TMEM117: variants seen among roughly 807,000 people sequenced by gnomAD.
The protein encoded by TMEM117 is transmembrane protein 117.
TMEM117 carries 27 observed loss-of-function variants against 52.4 expected under a neutral mutation model. The ratio of observed to expected loss-of-function variants is 0.51; its 90% CI spans 0.38 to 0.71. TMEM117 has a LOEUF of 0.71. TMEM117 is among the 30% of genes least tolerant of loss of function. TMEM117 has a pLI of 0.00. For synonymous variants in TMEM117, 215 were observed against 206.3 expected, an observed-to-expected ratio of 1.04 and a Z score of -0.36; for missense variants, 556 against 630.5, an observed-to-expected ratio of 0.88 and a Z score of 1.26.
intron 3 of TMEM117, chr12:44,009,502 C>T: frequency 4.5e-6 from 1 of 224,370 alleles, no homozygotes. Context: ...TGGTGCTTTT[C>T]TGCTCAGCAC....
chr12:44,194,334 T>C (rs1321034770), intron 4 of TMEM117, among the ~76,000 whole-genome samples: 4 of 152,190 alleles, frequency 2.6e-5, no homozygotes, highest in Non-Finnish European at 4.4e-5. Context: ...ATTTCCATAA[T>C]ATTTGGGAAG....
chr12:44,251,049 A>G (rs1950191585), intron 5 of TMEM117, among the ~76,000 whole-genome samples: 1 of 152,154 alleles, frequency 6.6e-6, no homozygotes, highest in African/African-American at 2.4e-5. Flanking sequence ...TCTTGGTCAC[A>G]TGATTGCTCT....
intron 2 of TMEM117, among the ~76,000 whole-genome samples, chr12:43,919,950 G>A (rs1352636469): frequency 6.6e-6 from 1 of 151,548 alleles, no homozygotes; most frequent in Non-Finnish European, 1.5e-5. Context: ...ATATCTCTAG[G>A]TCCAGCATCA....
At chr12:44,370,025 A>G (rs1408148625) in intron 6 of TMEM117, among the ~76,000 whole-genome samples, 3 of 152,188 alleles carry the variant, frequency 2.0e-5, no homozygotes, top group South Asian at 2.1e-4. Flanking sequence ...TTAACATTCA[A>G]CCTTGCCTTA....
rs1948140208 is a variant in TMEM117, at chr12:44,116,217, CTT to C, written c.411-27306_411-27305del. On this transcript the variant is annotated intron_variant, in intron 3 of 7. Transcript: ENST00000266534. Reference sequence around the variant, plus strand: ...TTATTATATTCTGTTTTCTTGTATTCTTTGTTATATCGCTTTACAATACTCTT... The same window carrying C: ...TTATTATATTCTGTTTTCTTGTATTCTGTTATATCGCTTTACAATACTCTT... Among the ~76,000 whole-genome samples the C allele has an allele frequency of 2.6e-5, 4 of 152,082 alleles. No individual in the cohort carries two copies. In the South Asian group the frequency reaches 6.2e-4, roughly 24 times the overall value.
intron 3 of TMEM117, among the ~76,000 whole-genome samples, chr12:44,105,133 A>G (rs1034506348): frequency 6.6e-6 from 1 of 151,222 alleles, no homozygotes; most frequent in African/African-American, 2.4e-5. Flanking sequence ...TAGTTGTTCC[A>G]TAGTTTTTGG....
intron 5 of TMEM117, among the ~76,000 whole-genome samples, chr12:44,242,401 G>A (rs1314685848): frequency 6.6e-6 from 1 of 151,750 alleles, no homozygotes; most frequent in Non-Finnish European, 1.5e-5. Context: ...TGGGTTTTCT[G>A]TTCCTGAGTT....
chr12:44,316,574 T>C (rs1000455669), intron 6 of TMEM117, among the ~76,000 whole-genome samples: 2 of 152,212 alleles, frequency 1.3e-5, no homozygotes, highest in Non-Finnish European at 2.9e-5. Flanking sequence ...ATGTTCTTTT[T>C]GTATGGTATC....
chr12:44,123,517 G>A (rs1051305846), intron 3 of TMEM117, among the ~76,000 whole-genome samples: 5 of 152,038 alleles, frequency 3.3e-5, no homozygotes, highest in African/African-American at 1.2e-4. Flanking sequence ...TTCCTTCCAG[G>A]GTTTTTATAG....
intron 2 of TMEM117, among the ~76,000 whole-genome samples, chr12:43,934,349 TGA>T (rs1944917664): frequency 6.6e-6 from 1 of 152,186 alleles, no homozygotes; most frequent in Non-Finnish European, 1.5e-5. Context: ...TAGTTAAACT[TGA>T]GGATAGTTTA....
intron 4 of TMEM117, among the ~76,000 whole-genome samples, chr12:44,146,289 CTT>C (rs1048681533): frequency 9.5e-4 from 144 of 152,238 alleles, no homozygotes; most frequent in African/African-American, 3.2e-3. Context: ...GCTTTAATGT[CTT>C]ATATTTCTAC....
intron 5 of TMEM117, among the ~76,000 whole-genome samples, chr12:44,232,171 A>G (rs910137007): frequency 6.6e-6 from 1 of 151,526 alleles, no homozygotes; most frequent in Non-Finnish European, 1.5e-5. Context: ...AACTTTTTAA[A>G]CTTTAGTAAC....
At chr12:44,103,611 G>T (rs910161937) in intron 3 of TMEM117, among the ~76,000 whole-genome samples, 6 of 151,164 alleles carry the variant, frequency 4.0e-5, no homozygotes, top group African/African-American at 1.5e-4. Context: ...TAGCCTTTTG[G>T]GGGCAGATTT....
At chr12:43,890,082 C>T (rs182302561) in intron 2 of TMEM117, among the ~76,000 whole-genome samples, 5 of 152,240 alleles carry the variant, frequency 3.3e-5, no homozygotes, top group African/African-American at 7.2e-5. Flanking sequence ...GAAAATCAGT[C>T]ATTTGGTCTT....
chr12:44,185,450 C>G (rs866477322), intron 4 of TMEM117, among the ~76,000 whole-genome samples: 1 of 152,034 alleles, frequency 6.6e-6, no homozygotes, highest in African/African-American at 2.4e-5. Context: ...TGCATATCTT[C>G]TAAGAAGAGC....
chr12:44,370,865 T>C (rs1038465289), intron 6 of TMEM117, among the ~76,000 whole-genome samples: 3 of 152,184 alleles, frequency 2.0e-5, no homozygotes, highest in Admixed American at 6.5e-5. Flanking sequence ...TTTGAGTTCT[T>C]ACTATATACT....
intron 2 of TMEM117, among the ~76,000 whole-genome samples, chr12:43,915,337 A>G (rs895513201): frequency 7.2e-5 from 11 of 152,040 alleles, no homozygotes; most frequent in African/African-American, 2.7e-4. Flanking sequence ...ACCGAAGTTA[A>G]CCCTCCTCTG....
At chr12:44,124,840 C>G (rs1948295964) in intron 3 of TMEM117, among the ~76,000 whole-genome samples, 2 of 152,142 alleles carry the variant, frequency 1.3e-5, no homozygotes, top group Admixed American at 1.3e-4. Flanking sequence ...CAATGTTCAC[C>G]AAGGATATTG....
intron 5 of TMEM117, among the ~76,000 whole-genome samples, chr12:44,260,589 T>C (rs953065874): frequency 2.0e-5 from 3 of 152,200 alleles, no homozygotes; most frequent in Non-Finnish European, 4.4e-5. Context: ...TATTTGGTAA[T>C]ATAAGGGAAA....
Sources: gnomAD v4.1 joint callset for allele counts (sites outside exome capture counted in the v4.1 genomes callset) on GRCh38, gnomAD v4.1.1 for gene constraint, MANE v1.5 for transcripts, NCBI Gene and HGNC (gene_info 2026-07-23, HGNC 2026-07-21) for gene names.